RBFOX1: variants seen among roughly 807,000 people sequenced by gnomAD.
RBFOX1 encodes RNA binding protein fox-1 homolog 1.
A neutral mutation model predicts 57.7 loss-of-function variants in RBFOX1; 8 were observed. The observed-to-expected ratio is 0.14, with a 90% CI of 0.08 to 0.25. RBFOX1 has a LOEUF of 0.25. RBFOX1 is among the 10% of genes least tolerant of loss of function. The pLI is 1.00. For missense variants in RBFOX1, 611 were observed against 548.5 expected (o/e 1.11, Z -1.14); for synonymous variants, 326 against 222.4 (o/e 1.47, Z -4.15).
intron 2 of RBFOX1, among the ~76,000 whole-genome samples, chr16:6,368,920 G>T (rs867271016): frequency 6.6e-6 from 1 of 152,136 alleles, no homozygotes; most frequent in African/African-American, 2.4e-5. Context: ...ACAGAGCAGT[G>T]AAAAATAAAC....
intron 3 of RBFOX1, among the ~76,000 whole-genome samples, chr16:6,833,067 A>C (rs1186389965): frequency 6.8e-6 from 1 of 147,746 alleles, no homozygotes; most frequent in African/African-American, 2.5e-5. Flanking sequence ...GCTCTTTTCC[A>C]CCTCATGGTC....
At chr16:6,295,096 T>C (rs1343233658) in intron 1 of RBFOX1, among the ~76,000 whole-genome samples, 1 of 114,720 alleles carries the variant, frequency 8.7e-6, no homozygotes, top group African/African-American at 3.2e-5. Context: ...TCTTAAGCAG[T>C]GAGTTTTTTT....
At chr16:5,310,452 C>T (rs190201080) in intron 1 of RBFOX1, among the ~76,000 whole-genome samples, 8 of 152,118 alleles carry the variant, frequency 5.3e-5, no homozygotes, top group African/African-American at 1.9e-4. Context: ...AGAATCCCAG[C>T]TTCAACATTT....
At chr16:6,353,175 T>C (rs1326611608) in intron 2 of RBFOX1, among the ~76,000 whole-genome samples, 1 of 152,148 alleles carries the variant, frequency 6.6e-6, no homozygotes, top group African/African-American at 2.4e-5. Context: ...TCTCCCCATC[T>C]TTCCCAAAGA....
intron 2 of RBFOX1, among the ~76,000 whole-genome samples, chr16:6,586,893 G>C (rs1229080929): frequency 1.3e-5 from 2 of 152,072 alleles, no homozygotes; most frequent in African/African-American, 4.8e-5. Flanking sequence ...TTAAAAAATT[G>C]ACACTAAAAA....
intron 4 of RBFOX1, among the ~76,000 whole-genome samples, chr16:7,481,934 G>A (rs1253797395): frequency 2.0e-5 from 3 of 152,188 alleles, no homozygotes; most frequent in Non-Finnish European, 4.4e-5. Context: ...ATGCATTACT[G>A]AAAGTGAAAA....
Position 6,895,107 on chromosome 16 carries a change from T to TCC in RBFOX1, c.-15-156949_-15-156948dup, listed in dbSNP as rs748780759. On this transcript the variant is annotated intron_variant, in intron 3 of 15. Coordinates refer to ENST00000550418, the MANE Select transcript of RBFOX1 (RefSeq NM_018723.4). The stretch of plus-strand genomic sequence containing the variant: ...AATGACTTAAAGAAATAAAGTCTGG[T>TCC]CCTCTTTTCCATAGAAGTTCAGTTC... Among the ~76,000 whole-genome samples, 5 of 152,178 alleles carry TCC rather than the reference T, an allele frequency of 3.3e-5. No homozygotes were observed. In the South Asian group the frequency reaches 1.0e-3, roughly 32 times the overall value.
chr16:5,691,758 T>G (rs1368103418), intron 3 of RBFOX1, among the ~76,000 whole-genome samples: 1 of 152,188 alleles, frequency 6.6e-6, no homozygotes, highest in South Asian at 2.1e-4. Context: ...TCTTAAATCC[T>G]GTAAACATTA....
intron 2 of RBFOX1, among the ~76,000 whole-genome samples, chr16:6,411,909 G>A (rs1271508679): frequency 2.0e-5 from 3 of 152,008 alleles, no homozygotes; most frequent in East Asian, 1.9e-4. Context: ...TGAGGTGGTC[G>A]GCTTACGAGG....
chr16:5,861,051 C>A (rs566890936), intron 3 of RBFOX1, among the ~76,000 whole-genome samples: 1 of 152,262 alleles, frequency 6.6e-6, no homozygotes, highest in East Asian at 1.9e-4. Flanking sequence ...CCAGAGAGAA[C>A]CAGCTGCAAG....
intron 3 of RBFOX1, among the ~76,000 whole-genome samples, chr16:6,671,755 G>C (rs1312511238): frequency 6.6e-6 from 1 of 152,200 alleles, no homozygotes; most frequent in African/African-American, 2.4e-5. Context: ...TAGAATAACA[G>C]TTTCCAGTCC....
intron 4 of RBFOX1, among the ~76,000 whole-genome samples, chr16:7,483,804 C>G (rs1599624233): frequency 6.6e-6 from 1 of 152,188 alleles, no homozygotes; most frequent in Non-Finnish European, 1.5e-5. Context: ...ACTTTTCATC[C>G]TGGGAAATTC....
At chr16:7,166,948 G>T (rs1430025679) in intron 4 of RBFOX1, among the ~76,000 whole-genome samples, 1 of 129,972 alleles carries the variant, frequency 7.7e-6, no homozygotes, top group African/African-American at 3.0e-5. Flanking sequence ...CAGAGAGAAA[G>T]CCCCAGATTG....
At chr16:7,129,212 T>C (rs2069504985) in intron 4 of RBFOX1, among the ~76,000 whole-genome samples, 1 of 152,142 alleles carries the variant, frequency 6.6e-6, no homozygotes, top group Non-Finnish European at 1.5e-5. Context: ...CTCATTGCAA[T>C]GTTCTTTATA....
At chr16:5,942,237 C>A (rs565326054) in intron 4 of RBFOX1, among the ~76,000 whole-genome samples, 80 of 152,192 alleles carry the variant, frequency 5.3e-4, no homozygotes, top group African/African-American at 1.7e-3. Flanking sequence ...CCATAGTTTG[C>A]AGGCTAGGGT....
At chr16:7,105,982 A>C (rs114315524) in intron 4 of RBFOX1, among the ~76,000 whole-genome samples, 1 of 152,164 alleles carries the variant, frequency 6.6e-6, no homozygotes, top group Non-Finnish European at 1.5e-5. Context: ...TGACAACTCT[A>C]TGAAACTACT....
intron 2 of RBFOX1, among the ~76,000 whole-genome samples, chr16:5,468,111 T>C (rs2151612914): frequency 6.6e-6 from 1 of 152,300 alleles, no homozygotes; most frequent in East Asian, 1.9e-4. Context: ...CTGTCCACCC[T>C]TCCCCAGGTT....
chr16:6,063,254 A>G (rs2095711656), intron 1 of RBFOX1, among the ~76,000 whole-genome samples: 2 of 152,038 alleles, frequency 1.3e-5, no homozygotes, highest in Admixed American at 1.3e-4. Flanking sequence ...CATGATCACC[A>G]CATGATATGC....
chr16:6,056,947 C>A (rs1216386102), intron 1 of RBFOX1: 1 of 150,318 alleles, frequency 6.7e-6, no homozygotes, highest in Non-Finnish European at 1.5e-5. Flanking sequence ...ATTGATTAAA[C>A]TCTCTTTTTA....
Sources: allele counts gnomAD v4.1 joint callset (sites outside exome capture counted in the v4.1 genomes callset), GRCh38; gene constraint gnomAD v4.1.1; transcripts MANE v1.5; gene names NCBI Gene and HGNC (gene_info 2026-07-23, HGNC 2026-07-21).